The following RALGPS2 variants were observed in gnomAD, a reference collection of about 807,000 sequenced individuals.
RALGPS2 encodes Ral GEF with PH domain and SH3 binding motif 2, also known as ras-specific guanine nucleotide-releasing factor RalGPS2.
RALGPS2 carries 43 observed loss-of-function variants against 86.8 expected under a neutral mutation model. The ratio of observed to expected loss-of-function variants is 0.50; its 90% CI spans 0.39 to 0.64. RALGPS2 has a LOEUF of 0.64. RALGPS2 is among the 30% of genes least tolerant of loss of function. RALGPS2 has a pLI of 0.00. For missense variants in RALGPS2, 536 were observed against 694.6 expected, an observed-to-expected ratio of 0.77 and a Z score of 2.57; for synonymous variants, 243 against 231.3, an observed-to-expected ratio of 1.05 and a Z score of -0.46.
chr1:178,809,802 G>A (rs1422425071), intron 5 of RALGPS2, among the ~76,000 whole-genome samples: 1 of 152,068 alleles, frequency 6.6e-6, no homozygotes, highest in East Asian at 1.9e-4. Flanking sequence ...GGGCTGCATG[G>A]TCTTTTATGA....
At chr1:178,749,430 G>A (rs898003133) in intron 1 of RALGPS2, among the ~76,000 whole-genome samples, 1 of 152,188 alleles carries the variant, frequency 6.6e-6, no homozygotes. Flanking sequence ...AGGTTGCAGT[G>A]AGCCTGGTTT....
intron 1 of RALGPS2, chr1:178,747,693 A>G (rs1651413137): frequency 1.4e-6 from 2 of 1,455,744 alleles, no homozygotes; most frequent in Non-Finnish European, 1.9e-6. Context: ...CATCAAGTAC[A>G]GCAGCTGCCA....
intron 1 of RALGPS2, among the ~76,000 whole-genome samples, chr1:178,738,095 A>G (rs182099979): frequency 1.3e-5 from 2 of 151,878 alleles, no homozygotes; most frequent in African/African-American, 4.8e-5. Flanking sequence ...ATGATTTTTG[A>G]ACAAGTAGTG....
chr1:178,911,924 T>C (rs1015089754), intron 19 of RALGPS2, among the ~76,000 whole-genome samples: 4 of 152,242 alleles, frequency 2.6e-5, no homozygotes, highest in Admixed American at 1.3e-4. Context: ...GATAGTTAAG[T>C]CTTCTGGATG....
intron 1 of RALGPS2, among the ~76,000 whole-genome samples, chr1:178,764,202 T>A (rs946551827): frequency 1.3e-5 from 2 of 152,260 alleles, no homozygotes; most frequent in African/African-American, 4.8e-5. Context: ...AACTGAGCCC[T>A]TTACCATTAT....
chr1:178,742,046 G>A (rs1651059361), intron 1 of RALGPS2, among the ~76,000 whole-genome samples: 1 of 149,982 alleles, frequency 6.7e-6, no homozygotes, highest in African/African-American at 2.4e-5. Flanking sequence ...TGAGGCAGGA[G>A]AATTGCTTGA....
chr1:178,783,023 C>T (rs59338700), intron 2 of RALGPS2, among the ~76,000 whole-genome samples: 1 of 152,082 alleles, frequency 6.6e-6, no homozygotes, highest in African/African-American at 2.4e-5. Flanking sequence ...CAGAACCACA[C>T]TCATGAGGCA....
At chr1:178,839,709 G>C (rs1310076420) in intron 8 of RALGPS2, among the ~76,000 whole-genome samples, 1 of 152,194 alleles carries the variant, frequency 6.6e-6, no homozygotes, top group Non-Finnish European at 1.5e-5. Flanking sequence ...AAAAGACACA[G>C]ACTGGCAAAT....
At chr1:178,908,997 G>A (rs529277880) in intron 19 of RALGPS2, among the ~76,000 whole-genome samples, 60 of 152,248 alleles carry the variant, frequency 3.9e-4, no homozygotes, top group Non-Finnish European at 6.8e-4. Flanking sequence ...GTCCAGAATG[G>A]TATATCCTAG....
At chr1:178,828,142 T>C (rs762273523) in intron 7 of RALGPS2, among the ~76,000 whole-genome samples, 2 of 152,206 alleles carry the variant, frequency 1.3e-5, no homozygotes, top group African/African-American at 2.4e-5. Context: ...AAAAAGCTTT[T>C]GTACAGCAAA....
chr1:178,855,988 A>C (rs1657513222), intron 8 of RALGPS2, among the ~76,000 whole-genome samples: 1 of 148,810 alleles, frequency 6.7e-6, no homozygotes, highest in Non-Finnish European at 1.5e-5. Context: ...TAATATATAT[A>C]AGAACAAAAT....
chr1:178,838,206 G>A (rs919830204), intron 8 of RALGPS2, among the ~76,000 whole-genome samples: 6 of 152,198 alleles, frequency 3.9e-5, no homozygotes, highest in African/African-American at 1.4e-4. Context: ...TTTGAGATCT[G>A]AGAACAGACA....
chr1:178,836,389 A>G (rs1213060912), intron 8 of RALGPS2, among the ~76,000 whole-genome samples: 1 of 151,866 alleles, frequency 6.6e-6, no homozygotes, highest in African/African-American at 2.4e-5. Context: ...TCTTTTTTTC[A>G]GTTCCCTTTC....
chr1:178,874,572 A>G (rs574836394), intron 8 of RALGPS2, among the ~76,000 whole-genome samples: 2 of 152,044 alleles, frequency 1.3e-5, no homozygotes, highest in Admixed American at 6.6e-5. Context: ...AAGGAATGAC[A>G]TTTTTTTGCA....
rs1426954581 is a variant in RALGPS2, at chr1:178,869,347, G to A, written c.608-8151G>A. The A allele has an allele frequency of 2.0e-5, 3 of 152,178 alleles. No homozygotes were observed. The East Asian group carries it at 5.8e-4, about 29-fold the overall frequency. The allele number at this position is 152,178 out of a possible 1,614,324, so 9.4% of individuals were successfully genotyped here. On this transcript the variant is annotated intron_variant, in intron 8 of 19. Transcript: ENST00000367635. ...GAGGCAATGAAGTTAAATTTATGAAGCATTCAGGATATGTTAGATAAAGAA... is the reference window on the plus strand; with the variant it reads ...GAGGCAATGAAGTTAAATTTATGAAACATTCAGGATATGTTAGATAAAGAA...
At chr1:178,739,020 A>G (rs939813501) in intron 1 of RALGPS2, among the ~76,000 whole-genome samples, 7 of 152,328 alleles carry the variant, frequency 4.6e-5, no homozygotes, top group Non-Finnish European at 8.8e-5. Context: ...CTTAAGCTAC[A>G]CTTTTGTGTA....
At chr1:178,892,178 T>G (rs923599161) in intron 14 of RALGPS2, 52 bp from the exon 15 acceptor site, 14 of 1,470,046 alleles carry the variant, frequency 9.5e-6, no homozygotes, top group Admixed American at 8.4e-5. Context: ...TGATAATGAC[T>G]GTGTGAATAA....
At chr1:178,757,680 G>A (rs1397533932) in intron 1 of RALGPS2, among the ~76,000 whole-genome samples, 1 of 152,154 alleles carries the variant, frequency 6.6e-6, no homozygotes, top group Non-Finnish European at 1.5e-5. Flanking sequence ...GTGTGCTGCT[G>A]GATTCGGCTT....
At chr1:178,767,358 CTTTTT>C (rs1159630163) in intron 1 of RALGPS2, among the ~76,000 whole-genome samples, 1 of 70,432 alleles carries the variant, frequency 1.4e-5, no homozygotes, top group Admixed American at 1.6e-4. Context: ...TGTCCTTTGG[CTTTTT>C]TTTTTTTTTT....
Sources: allele counts gnomAD v4.1 joint callset (sites outside exome capture counted in the v4.1 genomes callset), GRCh38; gene constraint gnomAD v4.1.1; transcripts MANE v1.5; gene names NCBI Gene and HGNC (gene_info 2026-07-23, HGNC 2026-07-21).